The following AGMO variants were observed in gnomAD, a reference collection of about 807,000 sequenced individuals.
AGMO encodes the protein alkylglycerol monooxygenase, also known as glyceryl-ether monooxygenase.
In AGMO, 75 loss-of-function variants were observed where a neutral mutation model predicts 60.2. That is an observed-to-expected ratio of 1.25 (90% CI 1.03 to 1.51). The LOEUF (loss-of-function observed/expected upper bound fraction) is 1.51. Among genes scored for constraint, AGMO ranks in the 40% most tolerant of loss-of-function variants. The pLI, the probability that AGMO is intolerant of heterozygous loss-of-function variation, is 0.00. For missense variants in AGMO, 763 were observed against 525.5 expected, an observed-to-expected ratio of 1.45 and a Z score of -4.42; for synonymous variants, 261 against 177.1, an observed-to-expected ratio of 1.47 and a Z score of -3.76.
At chr7:15,356,279 G>GA (rs910792619) in intron 12 of AGMO, among the ~76,000 whole-genome samples, 2 of 151,486 alleles carry the variant, frequency 1.3e-5, no homozygotes, top group Non-Finnish European at 2.9e-5. Flanking sequence ...CATTGCAATA[G>GA]AAAAAAATAG....
In AGMO at chr7:15,342,105, A is replaced by G. The variant is rs1170241024; in HGVS notation, c.1263+23409T>C. On this transcript the variant is annotated intron_variant, in intron 12 of 12. Transcript: ENST00000342526. ...AGGCTGAATCATAGGATGCATTTAG[A>G]AAGCATTTAAACTCATGTGACTGGG... Among the ~76,000 whole-genome samples the G allele has an allele frequency of 3.4e-5, 5 of 148,662 alleles. No homozygotes were observed. In the East Asian group the frequency reaches 8.0e-4, roughly 24 times the overall value.
chr7:15,509,890 T>C (rs1435991945), intron 3 of AGMO, among the ~76,000 whole-genome samples: 1 of 152,160 alleles, frequency 6.6e-6, no homozygotes, highest in Admixed American at 6.5e-5. Context: ...ATGGCCAGTA[T>C]ATATATTTTT....
At chr7:15,305,228 A>G (rs1488199054) in intron 12 of AGMO, among the ~76,000 whole-genome samples, 2 of 148,340 alleles carry the variant, frequency 1.3e-5, no homozygotes, top group African/African-American at 5.2e-5. Flanking sequence ...CAACCTTGTC[A>G]GGCAATCTGG....
chr7:15,553,273 T>G (rs1351464079), intron 2 of AGMO, among the ~76,000 whole-genome samples: 1 of 151,878 alleles, frequency 6.6e-6, no homozygotes, highest in Admixed American at 6.6e-5. Context: ...TATACATATG[T>G]AACTAACCTG....
intron 12 of AGMO, among the ~76,000 whole-genome samples, chr7:15,208,088 T>A (rs1781487362): frequency 1.3e-5 from 2 of 152,238 alleles, no homozygotes. Context: ...TTATAAATAA[T>A]GAATATATTC....
At chr7:15,184,125 C>T in the AGMO span, among the ~76,000 whole-genome samples, 1 of 151,914 alleles carries the variant, frequency 6.6e-6, no homozygotes, top group Non-Finnish European at 1.5e-5. Flanking sequence ...TCAAAAGTCT[C>T]AATGTAAATT....
At chr7:15,338,078 A>G (rs1021919530) in intron 12 of AGMO, among the ~76,000 whole-genome samples, 1 of 152,206 alleles carries the variant, frequency 6.6e-6, no homozygotes, top group African/African-American at 2.4e-5. Flanking sequence ...CATGTATGTG[A>G]ACAAATGTAA....
At chr7:15,348,329 G>C (rs1159036186) in intron 12 of AGMO, among the ~76,000 whole-genome samples, 1 of 151,966 alleles carries the variant, frequency 6.6e-6, no homozygotes, top group African/African-American at 2.4e-5. Context: ...TACTTAAAAT[G>C]ATCCTGGCCG....
rs368558488 is a variant in AGMO, at chr7:15,260,208, C to T, written c.1264-58849G>A. On this transcript the variant is annotated intron_variant, in intron 12 of 12. Transcript: ENST00000342526. ...CTGCACTCCAGCCTGGGTGACAGAG[C>T]GAGGAAAAAAAAAAAAAAAAAGAAT... Among the ~76,000 whole-genome samples, 6 of 131,682 alleles carry T rather than the reference C, an allele frequency of 4.6e-5. No homozygotes were observed. The East Asian group carries it at 8.6e-4, about 19-fold the overall frequency. 86.4% of individuals were successfully genotyped at this position (131,682 alleles called of 152,430 possible).
intron 10 of AGMO, among the ~76,000 whole-genome samples, chr7:15,381,375 A>G (rs1456303052): frequency 1.3e-5 from 2 of 151,964 alleles, no homozygotes; most frequent in Admixed American, 1.3e-4. Flanking sequence ...GAAGAACACG[A>G]ACCTTTCAAA....
intron 12 of AGMO, among the ~76,000 whole-genome samples, chr7:15,247,460 A>AGAGAGAGAGG (rs1782780797): frequency 1.0e-5 from 1 of 95,942 alleles, no homozygotes; most frequent in Non-Finnish European, 2.0e-5. Flanking sequence ...ACACACACAC[A>AGAGAGAGAGG]GAGAGAGAGA....
intron 12 of AGMO, among the ~76,000 whole-genome samples, chr7:15,248,904 C>G (rs570257134): frequency 6.6e-6 from 1 of 152,292 alleles, no homozygotes; most frequent in East Asian, 1.9e-4. Context: ...CTATTTTACT[C>G]TCTGATTTCT....
At chr7:15,285,408 G>A (rs2077853744) in intron 12 of AGMO, among the ~76,000 whole-genome samples, 1 of 152,066 alleles carries the variant, frequency 6.6e-6, no homozygotes, top group African/African-American at 2.4e-5. Flanking sequence ...ACACAAATCA[G>A]TAGCACTTCT....
intron 12 of AGMO, among the ~76,000 whole-genome samples, chr7:15,239,918 T>C (rs1380668156): frequency 6.6e-6 from 1 of 152,194 alleles, no homozygotes; most frequent in Admixed American, 6.5e-5. Flanking sequence ...TGTTTCCACA[T>C]GTGTATTTCC....
At chr7:15,354,554 G>T (rs1479532066) in intron 12 of AGMO, among the ~76,000 whole-genome samples, 1 of 109,444 alleles carries the variant, frequency 9.1e-6, no homozygotes, top group Non-Finnish European at 1.9e-5. Flanking sequence ...CCCCTCATAG[G>T]ACCTGCAACA....
chr7:15,360,316 T>C (rs1356264955), intron 12 of AGMO, among the ~76,000 whole-genome samples: 1 of 152,154 alleles, frequency 6.6e-6, no homozygotes, highest in African/African-American at 2.4e-5. Context: ...ACTCGGAGGT[T>C]AGTGGGGCCA....
At chr7:15,208,839 C>T (rs1781505778) in intron 12 of AGMO, among the ~76,000 whole-genome samples, 2 of 152,162 alleles carry the variant, frequency 1.3e-5, no homozygotes, top group Non-Finnish European at 2.9e-5. Flanking sequence ...TGTTTTGAAA[C>T]AGAAGATTTT....
At chr7:15,295,302 A>C (rs1244364077) in intron 12 of AGMO, among the ~76,000 whole-genome samples, 1 of 152,060 alleles carries the variant, frequency 6.6e-6, no homozygotes, top group Admixed American at 6.6e-5. Context: ...TATTTCTTCA[A>C]AAAAATATTT....
intron 3 of AGMO, among the ~76,000 whole-genome samples, chr7:15,451,862 C>G (rs1377706493): frequency 6.6e-6 from 1 of 152,056 alleles, no homozygotes; most frequent in Non-Finnish European, 1.5e-5. Context: ...AGGTACAGAA[C>G]AGTTGGGTTG....
Sources: allele counts gnomAD v4.1 joint callset (sites outside exome capture counted in the v4.1 genomes callset), GRCh38; gene constraint gnomAD v4.1.1; transcripts MANE v1.5; gene names NCBI Gene and HGNC (gene_info 2026-07-23, HGNC 2026-07-21).